Variants in SLC2A2 observed in about 807,000 individuals in gnomAD.
SLC2A2 encodes solute carrier family 2, facilitated glucose transporter member 2.
SLC2A2 carries 36 observed loss-of-function variants against 54.5 expected under a neutral mutation model. The observed-to-expected ratio is 0.66, with a 90% CI of 0.51 to 0.87. The LOEUF is 0.87. Ranked by LOEUF, SLC2A2 falls within the 40% of genes least tolerant of loss-of-function variation. SLC2A2 has a pLI of 0.00. For synonymous variants in SLC2A2, 223 were observed against 219.1 expected, an observed-to-expected ratio of 1.02 and a Z score of -0.16; for missense variants, 543 against 624.3, an observed-to-expected ratio of 0.87 and a Z score of 1.39.
chr3:171,005,979 A>G lies in SLC2A2; in HGVS notation c.739T>C (p.Tyr247His), dbSNP rs1250722271. 1.9e-6 allele frequency: 3 copies of G among 1,612,578 alleles called. No individual in the cohort carries two copies. In the African/African-American group the frequency reaches 4.0e-5, roughly 22 times the overall value. The change falls in exon 6 of 11, where the codon TAC (tyrosine) becomes CAC (histidine). Residue 247 changes from tyrosine to histidine, a missense_variant. Physicochemically the swap from Tyr to His is moderately conservative, Grantham distance 83 (BLOSUM62 2). Around this residue, in one of 3 missense-constraint regions of SLC2A2, gnomAD observed 318 missense variants for 343.8 expected, o/e 0.93. Transcript: ENST00000314251. ...FFCPESPRYL[Y>H]IKLDEEVKAK... ...TTGACTTCCTCATCTAACTTGATGT[A>G]AAGGTATCTGGGGCTTTCTGGACAG...
chr3:171,003,908 G>C (rs560743701), intron 7 of SLC2A2, among the ~76,000 whole-genome samples: 1 of 152,160 alleles, frequency 6.6e-6, no homozygotes, highest in East Asian at 1.9e-4. Context: ...AGTTGCTATT[G>C]CATTTAATCC....
chr3:171,005,284 C>T lies in SLC2A2; in HGVS notation c.963+1G>A, dbSNP rs371977235. 14 of 1,612,004 alleles carry T rather than the reference C, an allele frequency of 8.7e-6. No individual in the cohort carries two copies. The highest frequency in any genetic ancestry group is 1.6e-4 in the Middle Eastern group (1 of 6,076). The stretch of plus-strand genomic sequence containing the variant: ...GAGTTAGTGGGTGTTCTTAAACTTA[C>T]GCCATTGATTCCGGAAAATTGCTGA... On this transcript the variant is annotated splice_donor_variant, in intron 7 of 10. Transcript: ENST00000314251. LOFTEE classifies it high-confidence loss of function.
At chr3:171,003,671 C>A (rs1341290614) in intron 7 of SLC2A2, among the ~76,000 whole-genome samples, 2 of 151,850 alleles carry the variant, frequency 1.3e-5, no homozygotes, top group East Asian at 3.9e-4. Flanking sequence ...TTTTAAATGT[C>A]TTTTAGCTAT....
chr3:171,016,654 TA>T (rs67481408), intron 2 of SLC2A2, among the ~76,000 whole-genome samples: 1 of 151,696 alleles, frequency 6.6e-6, no homozygotes, highest in Non-Finnish European at 1.5e-5. Flanking sequence ...AAAAAAGGCT[TA>T]AAAAATCATT....
At chr3:171,015,499 A>G (rs540364673) in intron 2 of SLC2A2, among the ~76,000 whole-genome samples, 1 of 152,304 alleles carries the variant, frequency 6.6e-6, no homozygotes, top group South Asian at 2.1e-4. Context: ...TGCAGGCTAA[A>G]AAGATACATT....
At chr3:171,019,814 C>T (rs1259005139) in intron 1 of SLC2A2, among the ~76,000 whole-genome samples, 1 of 151,956 alleles carries the variant, frequency 6.6e-6, no homozygotes, top group Non-Finnish European at 1.5e-5. Flanking sequence ...AAAAATCAAA[C>T]AGTTATTTGA....
chr3:171,014,708 A>T lies in SLC2A2; in HGVS notation c.132T>A (p.His44Gln). The change falls in exon 3 of 11, where the codon CAT becomes CAA. Residue 44 changes from histidine (H) to glutamine (Q), a missense_variant. Physicochemically the swap from His to Gln is conservative, Grantham distance 24 (BLOSUM62 0). Around this residue, in one of 3 missense-constraint regions of SLC2A2, gnomAD observed 318 missense variants for 343.8 expected, o/e 0.93. Coordinates refer to ENST00000314251, the MANE Select transcript of SLC2A2 (RefSeq NM_000340.2). ...GGTCATCCAGTGGAACACCCAAAAC[A>T]TGTCTATAGTGAGATATTATTACCT... ...PQQVIISHYR[H>Q]VLGVPLDDRK... is the part of the protein sequence containing the mutation. 3.1e-6 allele frequency: 5 copies of T among 1,613,142 alleles called. No individual in the cohort carries two copies. Among genetic ancestry groups the T allele is most frequent in the Non-Finnish European group, 4.2e-6 (5 of 1,179,048 alleles).
chr3:171,005,186 T>A, intron 7 of SLC2A2, 99 bp downstream of exon 7: 1 of 983,508 alleles, frequency 1.0e-6, no homozygotes, highest in Non-Finnish European at 1.6e-6. Context: ...ATGATGCCAA[T>A]ACCTTAAAAT....
At chr3:170,998,565 G>T (rs1405355758) in intron 9 of SLC2A2, among the ~76,000 whole-genome samples, 169 bp from the exon 10 acceptor site, 1 of 152,144 alleles carries the variant, frequency 6.6e-6, no homozygotes, top group Non-Finnish European at 1.5e-5. Context: ...TCTGAATCAT[G>T]CATAACTCTT....
In SLC2A2 at chr3:171,014,676, G is replaced by A; in HGVS notation, c.164C>T (p.Ala55Val). 1 of 1,613,998 alleles carries A rather than the reference G, an allele frequency of 6.2e-7. No homozygotes were observed. Among genetic ancestry groups the A allele is most frequent in the Admixed American group, 1.7e-5 (1 of 60,020 alleles). ...VLGVPLDDRKAINNYVINSTD... is the reference protein window; with the variant it reads ...VLGVPLDDRKVINNYVINSTD... ...ACTGTTGATAACATAGTTGTTGATAGCTTTTCGGTCATCCAGTGGAACACC... is the reference window on the plus strand; with the variant it reads ...ACTGTTGATAACATAGTTGTTGATAACTTTTCGGTCATCCAGTGGAACACC... Residue 55 changes from alanine to valine, a missense_variant, in exon 3 of 11, where the codon GCT (alanine) becomes GTT (valine). Around this residue, in one of 3 missense-constraint regions of SLC2A2, gnomAD observed 318 missense variants for 343.8 expected, o/e 0.93. Transcript: ENST00000314251.
At chr3:171,020,855 G>A (rs2108264765) in intron 1 of SLC2A2, among the ~76,000 whole-genome samples, 1 of 151,742 alleles carries the variant, frequency 6.6e-6, no homozygotes, top group South Asian at 2.1e-4. Flanking sequence ...CCATACTCCA[G>A]CCTGGGTGAC....
At chr3:171,021,598 C>T (rs1716470703) in intron 1 of SLC2A2, among the ~76,000 whole-genome samples, 1 of 152,126 alleles carries the variant, frequency 6.6e-6, no homozygotes, top group African/African-American at 2.4e-5. Flanking sequence ...CCAGCCTGGG[C>T]AGCATAGCGA....
rs977760394 is a variant in SLC2A2, at chr3:171,018,736, T to A, written c.16-113A>T. 18 of 741,450 alleles carry A rather than the reference T, an allele frequency of 2.4e-5. No homozygotes were observed. The African/African-American group carries it at 2.7e-4, about 11-fold the overall frequency. 45.9% of individuals were successfully genotyped at this position (741,450 alleles called of 1,614,324 possible). A position where few individuals can be genotyped will look rare whatever the true frequency, so the allele number is the denominator to read the frequency against. On this transcript the variant is annotated intron_variant, in intron 1 of 10. Coordinates refer to ENST00000314251, the MANE Select transcript of SLC2A2 (RefSeq NM_000340.2). ...GGCTCCACAGGCTGGTTCTTTCCCC[T>A]CAATATCGATTTGCAGTATGCCCTG...
rs1716264400 is a variant in SLC2A2 at position 171,018,543 on chromosome 3, A to G, written c.96T>C (p.Asn32=). The change falls in exon 2 of 11, where the codon AAT becomes AAC. Residue 32 remains asparagine (N), a synonymous_variant. Coordinates refer to ENST00000314251, the MANE Select transcript of SLC2A2 (RefSeq NM_000340.2). ...ATATTTCACTTGCCTGTTGAGGTGCATTGATCACACCAATGTCATATCCAA... is the reference window on the plus strand; with the variant it reads ...ATATTTCACTTGCCTGTTGAGGTGCGTTGATCACACCAATGTCATATCCAA... ...FQFGYDIGVI[N]APQQVIISHY... 6.2e-7 allele frequency: 1 copy of G among 1,611,556 alleles called. No individual in the cohort carries two copies. The highest frequency in any genetic ancestry group is 1.1e-5 in the South Asian group (1 of 91,038).
chr3:171,008,540 A>G (rs1453321035), intron 4 of SLC2A2, among the ~76,000 whole-genome samples: 6 of 152,080 alleles, frequency 3.9e-5, no homozygotes. Flanking sequence ...ATTTTAGAAG[A>G]TAGTTAGGGA....
In SLC2A2 at chr3:171,007,134, T is replaced by C. The variant is rs750264208; in HGVS notation, c.612+14A>G. ...AGATGGGTGCAGTAGGGGATAAGGA[T>C]GGGGAGTTTTTACCTGACTAATAAG... On this transcript the variant is annotated intron_variant, in intron 5 of 10. Transcript: ENST00000314251. The C allele has an allele frequency of 6.9e-7, 1 of 1,457,034 alleles. No individual in the cohort carries two copies. Among genetic ancestry groups the C allele is most frequent in the Admixed American group, 1.7e-5 (1 of 59,610 alleles). The allele number at this position is 1,457,034 out of a possible 1,614,324, so 90.3% of individuals were successfully genotyped here. A position where few individuals can be genotyped will look rare whatever the true frequency, so the allele number is the denominator to read the frequency against.
chr3:171,023,739 G>A (rs1716566398), intron 1 of SLC2A2, among the ~76,000 whole-genome samples: 1 of 152,090 alleles, frequency 6.6e-6, no homozygotes, highest in Non-Finnish European at 1.5e-5. Context: ...CACATATGGG[G>A]GAGCTCACAT....
chr3:171,022,790 T>C (rs748180582), intron 1 of SLC2A2, among the ~76,000 whole-genome samples: 4 of 152,158 alleles, frequency 2.6e-5, no homozygotes, highest in Admixed American at 2.0e-4. Flanking sequence ...GACACAGAAA[T>C]TGAAGTTGGG....
intron 2 of SLC2A2, 60 bp from the exon 3 acceptor site, chr3:171,014,791 T>C: frequency 7.0e-7 from 1 of 1,424,066 alleles, no homozygotes; most frequent in South Asian, 1.2e-5. Flanking sequence ...TTTGTTTTTG[T>C]CTTTAAAGTG....
Sources: allele counts gnomAD v4.1 joint callset (sites outside exome capture counted in the v4.1 genomes callset), GRCh38; gene constraint gnomAD v4.1.1; regional missense constraint gnomAD v4.1.1; transcripts MANE v1.5; gene names NCBI Gene and HGNC (gene_info 2026-07-23, HGNC 2026-07-21).